Variants in RNF157 observed in about 807,000 individuals in gnomAD.
RNF157 encodes the protein ring finger protein 157, also known as E3 ubiquitin ligase RNF157.
A neutral mutation model predicts 88.3 loss-of-function variants in RNF157; 55 were observed. The ratio of observed to expected loss-of-function variants is 0.62; its 90% CI spans 0.50 to 0.78. The LOEUF (loss-of-function observed/expected upper bound fraction) is 0.78, where lower values mean the gene tolerates loss of function less well. RNF157 is among the 30% of genes least tolerant of loss of function. The pLI is 0.00. For missense variants in RNF157, 788 were observed against 860.8 expected (o/e 0.92, Z 1.06); for synonymous variants, 334 against 341.2 (o/e 0.98, Z 0.23).
chr17:76,222,824 C>T (rs867656077), intron 1 of RNF157, among the ~76,000 whole-genome samples: 49 of 151,798 alleles, frequency 3.2e-4, no homozygotes, highest in Middle Eastern at 3.4e-3. Context: ...AATCAAACAA[C>T]TGTGTGTGTG....
At chr17:76,216,692 G>A (rs1375634522) in intron 1 of RNF157, among the ~76,000 whole-genome samples, 1 of 151,876 alleles carries the variant, frequency 6.6e-6, no homozygotes, top group Non-Finnish European at 1.5e-5. Context: ...CATTAAAAAT[G>A]TTCACAATAT....
chr17:76,236,676 G>GCA (rs2070287785), intron 1 of RNF157, among the ~76,000 whole-genome samples: 1 of 152,058 alleles, frequency 6.6e-6, no homozygotes, highest in Non-Finnish European at 1.5e-5. Context: ...ATTATTCATT[G>GCA]TTGCACTGTT....
intron 1 of RNF157, among the ~76,000 whole-genome samples, chr17:76,220,374 G>C (rs1219664848): frequency 1.6e-5 from 2 of 128,880 alleles, no homozygotes; most frequent in Non-Finnish European, 3.1e-5. Context: ...CAATGAGTTC[G>C]TAATGATATC....
chr17:76,215,924 G>GC (rs1406412397), intron 1 of RNF157, among the ~76,000 whole-genome samples: 13 of 152,164 alleles, frequency 8.5e-5, no homozygotes, highest in Non-Finnish European at 1.8e-4. Context: ...TTTATGTCTG[G>GC]CACTTGCTAG....
chr17:76,210,666 C>G (rs1311632171), intron 2 of RNF157, among the ~76,000 whole-genome samples: 1 of 150,034 alleles, frequency 6.7e-6, no homozygotes, highest in African/African-American at 2.5e-5. Flanking sequence ...TGTTAAAGGT[C>G]AAGATGGAAG....
intron 2 of RNF157, among the ~76,000 whole-genome samples, chr17:76,194,805 GGAGATC>G (rs2069447827): frequency 6.6e-6 from 1 of 152,122 alleles, no homozygotes; most frequent in African/African-American, 2.4e-5. Context: ...CACGAGGTCA[GGAGATC>G]GAGACCATCC....
At chr17:76,239,188 A>G (rs1479647367) in intron 1 of RNF157, among the ~76,000 whole-genome samples, 1 of 152,192 alleles carries the variant, frequency 6.6e-6, no homozygotes, top group African/African-American at 2.4e-5. Flanking sequence ...AATAAAATTA[A>G]AAGTAATTAA....
intron 2 of RNF157, among the ~76,000 whole-genome samples, chr17:76,187,218 C>G (rs2069307075): frequency 6.6e-6 from 1 of 151,418 alleles, no homozygotes; most frequent in Non-Finnish European, 1.5e-5. Flanking sequence ...GAGTCTCGCT[C>G]TGTCACCCAG....
intron 1 of RNF157, among the ~76,000 whole-genome samples, chr17:76,223,140 T>G (rs2145053911): frequency 6.6e-6 from 1 of 151,622 alleles, no homozygotes; most frequent in East Asian, 1.9e-4. Context: ...TCCGCCCACC[T>G]GGGCCTCCCA....
intron 2 of RNF157, among the ~76,000 whole-genome samples, chr17:76,198,795 T>C (rs527553111): frequency 2.8e-4 from 42 of 152,300 alleles, no homozygotes; most frequent in South Asian, 1.9e-3. Context: ...AATTCGAAGC[T>C]CACAGGGAGG....
chr17:76,205,723 C>CTAAATAAATAAA (rs35839727), intron 2 of RNF157, among the ~76,000 whole-genome samples: 2,054 of 146,774 alleles, frequency 0.014, 56 homozygotes, highest in African/African-American at 0.046. Context: ...GACTCCATCT[C>CTAAATAAATAAA]TAAATAAATA....
intron 2 of RNF157, among the ~76,000 whole-genome samples, chr17:76,209,438 C>G (rs962453543): frequency 2.0e-5 from 3 of 152,010 alleles, no homozygotes; most frequent in African/African-American, 4.8e-5. Context: ...TGTGGCCCAA[C>G]AGAAACTCGT....
chr17:76,165,526 A>G lies in RNF157; in HGVS notation c.648T>C (p.His216=), dbSNP rs981291002. The part of the protein sequence containing the change: ...DEGDEYFGHC[H]VLLGTFEKHT... ...CCTTCTCAAAAGTACCCAGCAGTAC[A>G]TGGCAATGGCCAAAATACTCTGAAA... Residue 216 remains histidine (H), a synonymous_variant, in exon 7 of 19, where the codon CAT becomes CAC. Coordinates refer to ENST00000269391, the MANE Select transcript of RNF157 (RefSeq NM_052916.3). 4 of 1,614,128 alleles carry G rather than the reference A, an allele frequency of 2.5e-6. No individual in the cohort carries two copies. The highest frequency in any genetic ancestry group is 2.7e-5 in the African/African-American group (2 of 74,950).
chr17:76,171,956 G>A (rs565388518), intron 3 of RNF157, among the ~76,000 whole-genome samples: 22 of 152,220 alleles, frequency 1.4e-4, no homozygotes, highest in Non-Finnish European at 3.1e-4. Context: ...CATATGTGAT[G>A]AGAGAAACCA....
chr17:76,223,126 G>A (rs1034596463), intron 1 of RNF157, among the ~76,000 whole-genome samples: 2 of 151,150 alleles, frequency 1.3e-5, no homozygotes, highest in African/African-American at 4.9e-5. Context: ...TCCTGACCTC[G>A]TGATCCGCCC....
rs566127687 is a variant in RNF157, at chr17:76,201,317, T to C, written c.207+11047A>G. ...CCTTGGCAACATAGTGAGACCCTAG[T>C]CTCTACAAAAAAAAAAAAAAAAAGA... On this transcript the variant is annotated intron_variant, in intron 2 of 18. Coordinates refer to ENST00000269391, the MANE Select transcript of RNF157 (RefSeq NM_052916.3). Among the ~76,000 whole-genome samples the C allele has an allele frequency of 3.7e-4, 46 of 123,726 alleles. No individual in the cohort carries two copies. In the East Asian group the frequency reaches 9.6e-3, roughly 26 times the overall value. The allele number at this position is 123,726 out of a possible 152,430, so 81.2% of individuals were successfully genotyped here. A position where few individuals can be genotyped will look rare whatever the true frequency, so the allele number is the denominator to read the frequency against.
At chr17:76,197,722 T>G (rs2069501042) in intron 2 of RNF157, among the ~76,000 whole-genome samples, 1 of 152,248 alleles carries the variant, frequency 6.6e-6, no homozygotes, top group Admixed American at 6.5e-5. Flanking sequence ...TGTGCCACCA[T>G]GCCAGGCTGC....
Position 76,195,217 on chromosome 17 carries a change from G to A in RNF157, c.207+17147C>T, listed in dbSNP as rs2144959964. The stretch of plus-strand genomic sequence containing the variant: ...GAGGTGTAGGTCCTCCTACAAGCGG[G>A]GTAGAGCAAGGCTGGAAACAGGAGA... On this transcript the variant is annotated intron_variant, in intron 2 of 18. Transcript: ENST00000269391. This position sits in a 1 kb window ranked among gnomAD's most constrained non-coding sequence, Gnocchi z 4.4. Among the ~76,000 whole-genome samples, 1 of 152,088 alleles carries A rather than the reference G, an allele frequency of 6.6e-6. No individual in the cohort carries two copies. Among genetic ancestry groups the A allele is most frequent in the Non-Finnish European group, 1.5e-5 (1 of 67,978 alleles).
At chr17:76,210,964 C>T (rs1453314188) in intron 2 of RNF157, among the ~76,000 whole-genome samples, 10 of 152,104 alleles carry the variant, frequency 6.6e-5, no homozygotes, top group Non-Finnish European at 1.5e-4. Flanking sequence ...GCCACCACCC[C>T]GGGCTAATTT....
Sources: gnomAD v4.1 joint callset for allele counts (sites outside exome capture counted in the v4.1 genomes callset) on GRCh38, gnomAD v4.1.1 for gene constraint, Gnocchi (gnomAD v3.1) non-coding constraint, MANE v1.5 for transcripts, NCBI Gene and HGNC (gene_info 2026-07-23, HGNC 2026-07-21) for gene names.